Variants in RCBTB1 observed in about 807,000 individuals in gnomAD.
RCBTB1 encodes RCC1 and BTB domain containing protein 1, also known as RCC1 and BTB domain-containing protein 1.
A neutral mutation model predicts 62.4 loss-of-function variants in RCBTB1; 46 were observed. The ratio of observed to expected loss-of-function variants is 0.74; its 90% CI spans 0.58 to 0.94. RCBTB1 has a LOEUF of 0.94. Among genes scored for constraint, RCBTB1 ranks in the 40% least tolerant of loss-of-function variants. The pLI, the probability that RCBTB1 is intolerant of heterozygous loss-of-function variation, is 0.00. For missense variants in RCBTB1, 565 were observed against 654.9 expected, an observed-to-expected ratio of 0.86 and a Z score of 1.50; for synonymous variants, 222 against 245.8, an observed-to-expected ratio of 0.90 and a Z score of 0.91.
intron 2 of RCBTB1, 72 bp from the exon 3 acceptor site, chr13:49,567,392 T>A: frequency 1.9e-6 from 2 of 1,077,354 alleles, no homozygotes; most frequent in Non-Finnish European, 2.7e-6. Context: ...AAAGACCTGT[T>A]AATAAATACT....
chr13:49,536,977 T>A (rs1326656276), intron 12 of RCBTB1, among the ~76,000 whole-genome samples: 3 of 152,222 alleles, frequency 2.0e-5, no homozygotes, highest in African/African-American at 7.2e-5. Flanking sequence ...TTTTCTTTAG[T>A]AACAAAACAA....
In RCBTB1 at chr13:49,567,214, C is replaced by A. The variant is rs1405029491; in HGVS notation, c.66G>T (p.Arg22=). 6.2e-7 allele frequency: 1 copy of A among 1,613,916 alleles called. No individual in the cohort carries two copies. Among genetic ancestry groups the A allele is most frequent in the Admixed American group, 1.7e-5 (1 of 59,998 alleles). The change falls in exon 3 of 13, where the codon CGG becomes CGT. Residue 22 remains arginine (R), a synonymous_variant. Transcript: ENST00000378302. ...CTGAGGTGCCGAAGACACACGCCTT[C>A]CGAATAGACGCGATCTCTTGAGGGG... is the stretch of plus-strand genomic sequence containing the variant. ...LLSPQEIASI[R]KACVFGTSAS...
At chr13:49,553,028 A>G (rs1961514636) in intron 6 of RCBTB1, among the ~76,000 whole-genome samples, 1 of 152,120 alleles carries the variant, frequency 6.6e-6, no homozygotes, top group Non-Finnish European at 1.5e-5. Flanking sequence ...CTAAAAATAC[A>G]AAAATTAGCT....
chr13:49,538,834 CTAATT>C (rs1460868522), intron 12 of RCBTB1, among the ~76,000 whole-genome samples: 1 of 151,236 alleles, frequency 6.6e-6, no homozygotes, highest in African/African-American at 2.4e-5. Flanking sequence ...TTTCTATTCT[CTAATT>C]TTTCTACGTT....
intron 10 of RCBTB1, 51 bp downstream of exon 10, chr13:49,544,686 C>G (rs372881742): frequency 2.6e-6 from 4 of 1,514,430 alleles, no homozygotes; most frequent in Admixed American, 1.9e-5. Flanking sequence ...TGTGGAATAA[C>G]AAAGAAAGAA....
chr13:49,534,938 A>T (rs1959823307), intron 12 of RCBTB1, among the ~76,000 whole-genome samples: 1 of 152,116 alleles, frequency 6.6e-6, no homozygotes, highest in Non-Finnish European at 1.5e-5. Context: ...GGAGACTGAG[A>T]CAGGAGAATC....
intron 3 of RCBTB1, 93 bp downstream of exon 3, chr13:49,567,061 T>C: frequency 1.7e-6 from 2 of 1,202,246 alleles, no homozygotes; most frequent in Admixed American, 2.1e-5. Context: ...TCTTTATTTA[T>C]ACCCCGCCTT....
intron 3 of RCBTB1, 27 bp downstream of exon 3, chr13:49,567,127 C>A (rs374300740): frequency 1.2e-5 from 19 of 1,610,896 alleles, no homozygotes; most frequent in East Asian, 4.5e-5. Context: ...AGTCCTAAAA[C>A]GAAACTAGGT....
At position 49,564,583 on chromosome 13, in the gene RCBTB1, C is replaced by CAA. The variant is rs10710755; in HGVS notation, c.277+2033_277+2034dup. ...CTGGAGACAGAGCGAGACTCCTTCT[C>CAA]AAAAAAAAAAAAAAAAAAAAAAAAA... is the stretch of plus-strand genomic sequence containing the variant. On this transcript the variant is annotated intron_variant, in intron 4 of 12. Transcript: ENST00000378302. Among the ~76,000 whole-genome samples, 61 of 39,320 alleles carry CAA rather than the reference C, an allele frequency of 1.6e-3. 2 individuals carry two copies. Among genetic ancestry groups the CAA allele is most frequent in the African/African-American group, 3.6e-3 (29 of 7,964 alleles). 25.8% of individuals were successfully genotyped at this position (39,320 alleles called of 152,430 possible).
intron 12 of RCBTB1, among the ~76,000 whole-genome samples, chr13:49,537,206 C>T (rs1446766577): frequency 6.6e-6 from 1 of 152,144 alleles, no homozygotes; most frequent in African/African-American, 2.4e-5. Flanking sequence ...TAACTCTGTC[C>T]AACCTGTTGT....
At chr13:49,539,663 A>C (rs1960203965) in intron 12 of RCBTB1, among the ~76,000 whole-genome samples, 1 of 152,198 alleles carries the variant, frequency 6.6e-6, no homozygotes, top group Non-Finnish European at 1.5e-5. Flanking sequence ...TAAAATCTAA[A>C]GAAACAGCTT....
chr13:49,564,563 G>C, intron 4 of RCBTB1, among the ~76,000 whole-genome samples: 1 of 105,794 alleles, frequency 9.5e-6, no homozygotes. Context: ...CCAGCCTGGA[G>C]ACAGAGCGAG....
chr13:49,560,938 G>A (rs1962383826), intron 4 of RCBTB1, among the ~76,000 whole-genome samples: 1 of 152,172 alleles, frequency 6.6e-6, no homozygotes, highest in Non-Finnish European at 1.5e-5. Flanking sequence ...TCCCTGGCAT[G>A]CCACCCCCTC....
chr13:49,585,246 G>C (rs1964334698), intron 1 of RCBTB1, among the ~76,000 whole-genome samples, 198 bp downstream of exon 1: 1 of 152,172 alleles, frequency 6.6e-6, no homozygotes, highest in Non-Finnish European at 1.5e-5. Flanking sequence ...TAGCTGAGGT[G>C]CTGGCGGGGC....
At chr13:49,549,990 C>G (rs1223112965) in intron 8 of RCBTB1, 1 of 741,700 alleles carries the variant, frequency 1.3e-6, no homozygotes, top group African/African-American at 1.9e-5. Context: ...AATACCATTT[C>G]TTTTTTTTTT....
intron 9 of RCBTB1, chr13:49,546,299 G>T (rs2407697): frequency 0.84 from 831,833 of 984,816 alleles, 351,632 homozygotes; most frequent in East Asian, 0.89. Context: ...GTGACTTTCC[G>T]TCTAACACTC....
intron 9 of RCBTB1, chr13:49,547,263 G>T: frequency 1.9e-6 from 2 of 1,041,060 alleles, no homozygotes; most frequent in Non-Finnish European, 2.6e-6. Context: ...TTTAAGGCAA[G>T]CTTAACTCTT....
intron 10 of RCBTB1, among the ~76,000 whole-genome samples, chr13:49,544,001 A>T (rs185773759): frequency 6.6e-6 from 1 of 152,184 alleles, no homozygotes; most frequent in African/African-American, 2.4e-5. Context: ...ACATTCTTCA[A>T]TTGGTAATTG....
chr13:49,557,901 C>T (rs1962074406), intron 5 of RCBTB1, among the ~76,000 whole-genome samples: 1 of 152,190 alleles, frequency 6.6e-6, no homozygotes, highest in South Asian at 2.1e-4. Flanking sequence ...ATTCACACCA[C>T]ATCAAGTACA....
Sources: gnomAD v4.1 joint callset for allele counts (sites outside exome capture counted in the v4.1 genomes callset) on GRCh38, gnomAD v4.1.1 for gene constraint, MANE v1.5 for transcripts, NCBI Gene and HGNC (gene_info 2026-07-23, HGNC 2026-07-21) for gene names.